Variants in PLXNB1 observed in about 807,000 individuals in gnomAD.
The protein encoded by PLXNB1 is plexin B1, also known as plexin-B1.
PLXNB1 carries 106 observed loss-of-function variants against 209.4 expected under a neutral mutation model. The ratio of observed to expected loss-of-function variants is 0.51; its 90% CI spans 0.43 to 0.59. PLXNB1 has a LOEUF of 0.59. Among genes scored for constraint, PLXNB1 ranks in the 20% least tolerant of loss-of-function variants. PLXNB1 has a pLI of 0.00. For synonymous variants in PLXNB1, 1,167 were observed against 1,183.2 expected (o/e 0.99, Z 0.28); for missense variants, 2,357 against 2,853.2 (o/e 0.83, Z 3.96).
At position 48,410,478 on chromosome 3, in the gene PLXNB1, G is replaced by A. The variant is rs2037604520; in HGVS notation, c.5497C>T (p.Leu1833=). Residue 1833 remains leucine (L), a synonymous_variant, in exon 30 of 38, where the codon CTG becomes TTG. Transcript: ENST00000296440. This position sits in a 1 kb window ranked among gnomAD's most constrained non-coding sequence, Gnocchi z 6.4. Reference sequence around the variant, plus strand: ...ACCTTGTAATGCTGCAGTGTGTTCAGGCGCCTCCACAGACCCTGGACCTCA... The same window carrying A: ...ACCTTGTAATGCTGCAGTGTGTTCAAGCGCCTCCACAGACCCTGGACCTCA... The part of the protein sequence containing the change: ...TSEVQGLWRR[L]NTLQHYKVPD... The A allele has an allele frequency of 6.2e-7, 1 of 1,613,982 alleles. No homozygotes were observed. Among genetic ancestry groups the A allele is most frequent in the East Asian group, 2.2e-5 (1 of 44,872 alleles).
chr3:48,422,569 C>G, intron 4 of PLXNB1, 110 bp from the exon 5 acceptor site: 1 of 1,380,068 alleles, frequency 7.2e-7, no homozygotes, highest in Non-Finnish European at 9.7e-7. Context: ...TCCTCCTAGG[C>G]AGTCACAGGT....
In PLXNB1 at chr3:48,419,404, C is replaced by T. The variant is rs1482804214; in HGVS notation, c.2710-38G>A. The T allele has an allele frequency of 6.5e-7, 1 of 1,529,430 alleles. No individual in the cohort carries two copies. Among genetic ancestry groups the T allele is most frequent in the Admixed American group, 2.0e-5 (1 of 48,834 alleles). The allele number at this position is 1,529,430 out of a possible 1,614,324, so 94.7% of individuals were successfully genotyped here. On this transcript the variant is annotated intron_variant, in intron 11 of 37. Coordinates refer to ENST00000296440, the MANE Select transcript of PLXNB1 (RefSeq NM_001130082.3). This position sits in a 1 kb window ranked among gnomAD's most constrained non-coding sequence, Gnocchi z 5.7. ...AGGGCAAGGCAGTCTATGGAGCCCACCCTGCCCAGCTCAGCCCTCTGCCTT... is the reference window on the plus strand; with the variant it reads ...AGGGCAAGGCAGTCTATGGAGCCCATCCTGCCCAGCTCAGCCCTCTGCCTT...
At position 48,409,013 on chromosome 3, in the gene PLXNB1, G is replaced by A. The variant is rs2037479401; in HGVS notation, c.6087+316C>T. On this transcript the variant is annotated intron_variant, in intron 34 of 37. Transcript: ENST00000296440. This position sits in a 1 kb window ranked among gnomAD's most constrained non-coding sequence, Gnocchi z 5.8. ...TAACTTCCCTGTTCCCAGACCTTCTGTGGCTCCCACTGCCCCAGGAGTGAG... is the reference window on the plus strand; with the variant it reads ...TAACTTCCCTGTTCCCAGACCTTCTATGGCTCCCACTGCCCCAGGAGTGAG... 6.6e-6 allele frequency among the ~76,000 whole-genome samples: 1 copy of A among 152,166 alleles called. No homozygotes were observed. The highest frequency in any genetic ancestry group is 2.1e-4 in the South Asian group (1 of 4,828).
chr3:48,421,034 G>C, intron 8 of PLXNB1, 78 bp from the exon 9 acceptor site: 1 of 1,355,604 alleles, frequency 7.4e-7, no homozygotes, highest in Non-Finnish European at 1.0e-6. Flanking sequence ...CTGAGCCCTT[G>C]AATGGGGAAG....
At chr3:48,426,140 T>A (rs1220133101) in intron 1 of PLXNB1, among the ~76,000 whole-genome samples, 2 of 152,140 alleles carry the variant, frequency 1.3e-5, no homozygotes, top group Non-Finnish European at 2.9e-5. Flanking sequence ...CAGTTCAGAA[T>A]AGTGCCAGGG....
chr3:48,418,589 C>T lies in PLXNB1; in HGVS notation c.2956-47G>A, dbSNP rs1247608090. 6.7e-7 allele frequency: 1 copy of T among 1,488,954 alleles called. No individual in the cohort carries two copies. The highest frequency in any genetic ancestry group is 9.2e-7 in the Non-Finnish European group (1 of 1,088,196). 92.2% of individuals were successfully genotyped at this position (1,488,954 alleles called of 1,614,324 possible). On this transcript the variant is annotated intron_variant, in intron 13 of 37. Coordinates refer to ENST00000296440, the MANE Select transcript of PLXNB1 (RefSeq NM_001130082.3). This position sits in a 1 kb window ranked among gnomAD's most constrained non-coding sequence, Gnocchi z 6.6. ...CAGAGTCAAGCACTGGGGGAAGTGT[C>T]AGGCCTGGGGAGGGGTTAGTCAGAG...
In PLXNB1 at chr3:48,418,802, G is replaced by A; in HGVS notation, c.2955+115C>T. On this transcript the variant is annotated intron_variant, in intron 13 of 37. Transcript: ENST00000296440. The surrounding 1 kb of genome is among the most constrained non-coding windows in gnomAD (Gnocchi z 6.6). ...AGAAATGGGTGTGGAGACTCCCTCA[G>A]GGCGACACGGTCAGAGCGTGGCTCT... 1 of 1,361,734 alleles carries A rather than the reference G, an allele frequency of 7.3e-7. No homozygotes were observed. Among genetic ancestry groups the A allele is most frequent in the Non-Finnish European group, 1.0e-6 (1 of 972,894 alleles). The allele number at this position is 1,361,734 out of a possible 1,614,324, so 84.4% of individuals were successfully genotyped here. A position where few individuals can be genotyped will look rare whatever the true frequency, so the allele number is the denominator to read the frequency against.
chr3:48,410,124 C>T lies in PLXNB1; in HGVS notation c.5606-47G>A, dbSNP rs1469888812. On this transcript the variant is annotated intron_variant, in intron 31 of 37. Transcript: ENST00000296440. This position sits in a 1 kb window ranked among gnomAD's most constrained non-coding sequence, Gnocchi z 6.4. ...GTCACCCCTCCCCAGGTGCCACCTCCCCAGGCCCCCTGTTTCTTGCCAGCT... is the reference window on the plus strand; with the variant it reads ...GTCACCCCTCCCCAGGTGCCACCTCTCCAGGCCCCCTGTTTCTTGCCAGCT... 1 of 1,532,310 alleles carries T rather than the reference C, an allele frequency of 6.5e-7. No individual in the cohort carries two copies. Among genetic ancestry groups the T allele is most frequent in the African/African-American group, 1.4e-5 (1 of 72,476 alleles). The allele number at this position is 1,532,310 out of a possible 1,614,324, so 94.9% of individuals were successfully genotyped here. A position where few individuals can be genotyped will look rare whatever the true frequency, so the allele number is the denominator to read the frequency against.
At position 48,405,910 on chromosome 3, in the gene PLXNB1, G is replaced by A; in HGVS notation, c.6229-112C>T. The stretch of plus-strand genomic sequence containing the variant: ...GGGAGAAGGGGACCTGAGAGGTAGA[G>A]AATGGGATGGGCACTACAGTGGGAA... On this transcript the variant is annotated intron_variant, in intron 36 of 37. Coordinates refer to ENST00000296440, the MANE Select transcript of PLXNB1 (RefSeq NM_001130082.3). This position sits in a 1 kb window ranked among gnomAD's most constrained non-coding sequence, Gnocchi z 5.0. The A allele has an allele frequency of 1.3e-6, 1 of 790,310 alleles. No individual in the cohort carries two copies. The highest frequency in any genetic ancestry group is 2.1e-6 in the Non-Finnish European group (1 of 467,522). The allele number at this position is 790,310 out of a possible 1,614,324, so 49.0% of individuals were successfully genotyped here.
At chr3:48,428,433 C>A (rs2039005507) in intron 1 of PLXNB1, among the ~76,000 whole-genome samples, 1 of 152,160 alleles carries the variant, frequency 6.6e-6, no homozygotes, top group Non-Finnish European at 1.5e-5. Flanking sequence ...CTACTCTGAA[C>A]CTTTTCAGGG....
rs1432898645 is a variant in PLXNB1 at position 48,418,634 on chromosome 3, T to A, written c.2956-92A>T. 5.2e-6 allele frequency: 6 copies of A among 1,152,654 alleles called. No homozygotes were observed. Among genetic ancestry groups the A allele is most frequent in the Non-Finnish European group, 7.6e-6 (6 of 788,296 alleles). The allele number at this position is 1,152,654 out of a possible 1,614,324, so 71.4% of individuals were successfully genotyped here. On this transcript the variant is annotated intron_variant, in intron 13 of 37. Transcript: ENST00000296440. This position sits in a 1 kb window ranked among gnomAD's most constrained non-coding sequence, Gnocchi z 6.6. Reference sequence around the variant, plus strand: ...TCAGAGAAAGGACTAAAACGACCAGTTAGGAGCATAGGGTCAGAGGGACCC... The same window carrying A: ...TCAGAGAAAGGACTAAAACGACCAGATAGGAGCATAGGGTCAGAGGGACCC...
In PLXNB1 at chr3:48,414,854, G is replaced by A. The variant is rs2037966610; in HGVS notation, c.4154C>T (p.Pro1385Leu). Residue 1385 changes from proline (P) to leucine (L), a missense_variant, in exon 21 of 38, where the codon CCT (proline) becomes CTT (leucine). Pro to Leu is a moderately conservative substitution (Grantham distance 98). Transcript: ENST00000296440. Reference protein sequence around the residue: ...EADPTLQPLNPEDPTMPFRHK... With the variant: ...EADPTLQPLNLEDPTMPFRHK... ...CCGGAATGGCATGGTGGGGTCCTCA[G>A]GGTTGAGTGGCTGCAGGGTGGGGTC... 2 of 1,613,996 alleles carry A rather than the reference G, an allele frequency of 1.2e-6. No individual in the cohort carries two copies. The highest frequency in any genetic ancestry group is 2.2e-5 in the East Asian group (1 of 44,904).
chr3:48,413,867 C>T lies in PLXNB1; in HGVS notation c.4386+28G>A, dbSNP rs2037872602. ...CAAGGGTTTGGCCCAGGTCAATGCC[C>T]AGCCCGGCCAGGGACCTGCCCACTG... On this transcript the variant is annotated intron_variant, in intron 22 of 37. Transcript: ENST00000296440. This position sits in a 1 kb window ranked among gnomAD's most constrained non-coding sequence, Gnocchi z 5.4. The T allele has an allele frequency of 6.2e-7, 1 of 1,606,676 alleles. No homozygotes were observed.
chr3:48,409,603 G>A lies in PLXNB1; in HGVS notation c.5907C>T (p.Asp1969=). The change falls in exon 33 of 38, where the codon GAC becomes GAT. Residue 1969 remains aspartate, a synonymous_variant. Transcript: ENST00000296440. The surrounding 1 kb of genome is among the most constrained non-coding windows in gnomAD (Gnocchi z 5.8). ...DEQAQQHGIS[D]QDTIHIWKTN... is the part of the protein sequence containing the mutation. Reference sequence around the variant, plus strand: ...TCTTCCAGATGTGGATGGTGTCCTGGTCGGAGATGCCATGCTGCTGGGCCT... The same window carrying A: ...TCTTCCAGATGTGGATGGTGTCCTGATCGGAGATGCCATGCTGCTGGGCCT... The A allele has an allele frequency of 6.2e-7, 1 of 1,613,912 alleles. No individual in the cohort carries two copies. The highest frequency in any genetic ancestry group is 8.5e-7 in the Non-Finnish European group (1 of 1,179,978).
In PLXNB1 at chr3:48,423,696, C is replaced by T; in HGVS notation, c.916G>A (p.Gly306Ser). 1 of 1,613,820 alleles carries T rather than the reference C, an allele frequency of 6.2e-7. No homozygotes were observed. Among genetic ancestry groups the T allele is most frequent in the Non-Finnish European group, 8.5e-7 (1 of 1,179,920 alleles). ...CCAGCAGCCGCCGATGGGGGCCGGCCCACAGTGGGGGGTGCAGCCGAGGAG... is the reference window on the plus strand; with the variant it reads ...CCAGCAGCCGCCGATGGGGGCCGGCTCACAGTGGGGGGTGCAGCCGAGGAG... ...AFSSAAPPTV[G>S]RPPSAAAGAS... The change falls in exon 3 of 38, where the codon GGC (glycine) becomes AGC (serine). Residue 306 changes from glycine (G) to serine (S), a missense_variant. This residue lies in a region of PLXNB1 where 404 missense variants were observed against 443.6 expected (regional missense o/e 0.91). Coordinates refer to ENST00000296440, the MANE Select transcript of PLXNB1 (RefSeq NM_001130082.3).
chr3:48,427,826 C>T (rs2038973389), intron 1 of PLXNB1, among the ~76,000 whole-genome samples: 1 of 152,206 alleles, frequency 6.6e-6, no homozygotes, highest in Non-Finnish European at 1.5e-5. Context: ...CCGCTGCATG[C>T]GGTGGACAGA....
chr3:48,418,268 G>A lies in PLXNB1; in HGVS notation c.3145C>T (p.Pro1049Ser). The A allele has an allele frequency of 2.5e-6, 4 of 1,613,630 alleles. No individual in the cohort carries two copies. The highest frequency in any genetic ancestry group is 1.3e-5 in the African/African-American group (1 of 75,064). The part of the protein sequence containing the change: ...YGCVWCEGER[P>S]RCVTREACGE... ...CAGGCCTCCCGGGTCACACAACGTG[G>A]ACGCTCCCCCTCACACCACACACAG... is the stretch of plus-strand genomic sequence containing the variant. The change falls in exon 15 of 38, where the codon CCA becomes TCA. Residue 1049 changes from proline (P) to serine (S), a missense_variant. Physicochemically the swap from Pro to Ser is moderately conservative, Grantham distance 74 (BLOSUM62 -1). Coordinates refer to ENST00000296440, the MANE Select transcript of PLXNB1 (RefSeq NM_001130082.3). This position sits in a 1 kb window ranked among gnomAD's most constrained non-coding sequence, Gnocchi z 6.6.
chr3:48,418,220 T>C lies in PLXNB1; in HGVS notation c.3193A>G (p.Thr1065Ala). Residue 1065 changes from threonine to alanine, a missense_variant, in exon 15 of 38, where the codon ACC becomes GCC. This residue lies in a region of PLXNB1 where 743 missense variants were observed against 896.2 expected (regional missense o/e 0.83). Transcript: ENST00000296440. The surrounding 1 kb of genome is among the most constrained non-coding windows in gnomAD (Gnocchi z 6.6). Reference protein sequence around the residue: ...EACGEAEAVATQCPAPLIHSV... With the variant: ...EACGEAEAVAAQCPAPLIHSV... ...TGGATGAGGGGCGCTGGGCACTGGG[T>C]GGCCACAGCCTCAGCCTCACCACAG... 6.2e-7 allele frequency: 1 copy of C among 1,611,990 alleles called. No individual in the cohort carries two copies. The highest frequency in any genetic ancestry group is 8.5e-7 in the Non-Finnish European group (1 of 1,179,350).
chr3:48,415,569 C>T lies in PLXNB1; in HGVS notation c.3794+14G>A, dbSNP rs1171236367. 2.6e-6 allele frequency: 4 copies of T among 1,560,818 alleles called. No homozygotes were observed. The highest frequency in any genetic ancestry group is 3.5e-6 in the Non-Finnish European group (4 of 1,149,918). On this transcript the variant is annotated intron_variant, in intron 19 of 37. Transcript: ENST00000296440. The surrounding 1 kb of genome is among the most constrained non-coding windows in gnomAD (Gnocchi z 5.0). ...CCTGCCACCTGCCATGCAGCCACACCCCTGGCCCAACACCTGAGGAAGCTC... is the reference window on the plus strand; with the variant it reads ...CCTGCCACCTGCCATGCAGCCACACTCCTGGCCCAACACCTGAGGAAGCTC...
Sources: allele counts gnomAD v4.1 joint callset (sites outside exome capture counted in the v4.1 genomes callset), GRCh38; gene constraint gnomAD v4.1.1; regional missense constraint gnomAD v4.1.1; non-coding constraint Gnocchi (gnomAD v3.1); transcripts MANE v1.5; gene names NCBI Gene and HGNC (gene_info 2026-07-23, HGNC 2026-07-21).